OGG1: variants seen among roughly 807,000 people sequenced by gnomAD.
OGG1 encodes the protein N-glycosylase/DNA lyase.
OGG1 carries 35 observed loss-of-function variants against 42.3 expected under a neutral mutation model. That is an observed-to-expected ratio of 0.83 (90% confidence interval 0.63 to 1.10). The LOEUF (loss-of-function observed/expected upper bound fraction) is 1.10. Among genes scored for constraint, OGG1 ranks in the 50% least tolerant of loss-of-function variants. The probability of loss-of-function intolerance (pLI) is 0.00; values close to 1 mark genes in which losing one functional copy is unlikely to be tolerated. For synonymous variants in OGG1, 189 were observed against 179.0 expected (o/e 1.06, Z -0.44); for missense variants, 484 against 446.7 (o/e 1.08, Z -0.75).
chr3:9,767,896 T>G, downstream of OGG1: 2 of 1,353,276 alleles, frequency 1.5e-6, no homozygotes, highest in South Asian at 3.2e-5. Context: ...ATTCATCCAT[T>G]TGACAAAATC....
At chr3:9,772,453 C>T (rs1486474948) in intron 2 of OGG1, among the ~76,000 whole-genome samples, 1 of 152,214 alleles carries the variant, frequency 6.6e-6, no homozygotes, top group African/African-American at 2.4e-5. Context: ...ATGTAGTACT[C>T]ATAGGATTTG....
intron 2 of OGG1, among the ~76,000 whole-genome samples, chr3:9,778,402 G>A (rs187156799): frequency 6.6e-6 from 1 of 152,310 alleles, no homozygotes; most frequent in East Asian, 1.9e-4. Context: ...AAATTCACTT[G>A]TAATAGGCCT....
At chr3:9,755,205 A>G (rs1039834890) in intron 4 of OGG1, among the ~76,000 whole-genome samples, 2 of 152,002 alleles carry the variant, frequency 1.3e-5, no homozygotes, top group Non-Finnish European at 2.9e-5. Flanking sequence ...ATGGGAAGAT[A>G]TTTCTTCTTT....
At chr3:9,784,223 G>A in intron 3 of OGG1, 1 of 1,597,794 alleles carries the variant, frequency 6.3e-7, no homozygotes, top group South Asian at 1.1e-5. Context: ...ACTGCAGCGG[G>A]AGGCAGGCCC....
intron 3 of OGG1, among the ~76,000 whole-genome samples, chr3:9,782,941 C>G (rs12497076): frequency 7.9e-5 from 12 of 152,350 alleles, no homozygotes; most frequent in Admixed American, 5.9e-4. Context: ...ATTCCACAGT[C>G]TTCCTCAAGA....
rs200448429 is a variant in OGG1, at chr3:9,781,617, A to G, written c.382+17A>G. ...TGACAGGAGGTGGGTGAGACACCAG[A>G]TCAATCTCTCTGAACAGGGTCTGAT... On this transcript the variant is annotated intron_variant, in intron 3 of 3. Coordinates refer to the OGG1 transcript ENST00000426518. The G allele has an allele frequency of 2.9e-4, 131 of 455,488 alleles. No individual in the cohort carries two copies. The Middle Eastern group carries it at 2.9e-3, about 10-fold the overall frequency. The allele number at this position is 455,488 out of a possible 1,614,324, so 28.2% of individuals were successfully genotyped here.
chr3:9,752,218 G>A, intron 3 of OGG1: 1 of 519,144 alleles, frequency 1.9e-6, no homozygotes, highest in Non-Finnish European at 3.5e-6. Context: ...TTGGGGTTAA[G>A]AGCATGCATT....
At chr3:9,788,728 C>T (rs566114493), downstream of OGG1, among the ~76,000 whole-genome samples, 6 of 151,756 alleles carry the variant, frequency 4.0e-5, no homozygotes, top group East Asian at 1.9e-4. Flanking sequence ...TTAGTAGAGA[C>T]GGCGTTTCAC....
In OGG1 at chr3:9,751,779, T is replaced by C; in HGVS notation, c.395T>C (p.Leu132Pro). Residue 132 changes from leucine to proline, a missense_variant, in exon 3 of 7, where the codon CTG becomes CCG. Coordinates refer to ENST00000344629, the MANE Select transcript of OGG1 (RefSeq NM_002542.6). ...EVAQKFQGVR[L>P]LRQDPIECLF... Reference sequence around the variant, plus strand: ...CATTTCTGGTCTCCAGGTGTGCGACTGCTGCGACAAGACCCCATCGAATGC... The same window carrying C: ...CATTTCTGGTCTCCAGGTGTGCGACCGCTGCGACAAGACCCCATCGAATGC... The C allele has an allele frequency of 1.9e-6, 3 of 1,614,234 alleles. No homozygotes were observed. Among genetic ancestry groups the C allele is most frequent in the Non-Finnish European group, 2.5e-6 (3 of 1,180,040 alleles).
intron 2 of OGG1, among the ~76,000 whole-genome samples, chr3:9,772,791 G>A (rs937731843): frequency 1.3e-5 from 2 of 152,158 alleles, no homozygotes; most frequent in African/African-American, 4.8e-5. Context: ...AAAGGAATTA[G>A]GGGTGCGAGG....
At position 9,749,997 on chromosome 3, in the gene OGG1, G is replaced by A; in HGVS notation, c.-290G>A. ...CTGGAGAACCCAGAAGAACACAGCT[G>A]TGCGCGCCCACAGGCTCTGGGGGCG... is the stretch of plus-strand genomic sequence containing the variant. On this transcript the variant is annotated 5_prime_UTR_variant, in exon 1 of 7. The change creates a new upstream start codon in the 5' untranslated region. Transcript: ENST00000344629. 2.0e-6 allele frequency: 1 copy of A among 488,204 alleles called. No individual in the cohort carries two copies. The highest frequency in any genetic ancestry group is 3.7e-6 in the Non-Finnish European group (1 of 270,256). The allele number at this position is 488,204 out of a possible 1,614,324, so 30.2% of individuals were successfully genotyped here.
intron 3 of OGG1, chr3:9,783,332 T>A (rs2078524808): frequency 6.6e-6 from 1 of 152,094 alleles, no homozygotes; most frequent in African/African-American, 2.4e-5. Flanking sequence ...TTTCTTTTTT[T>A]TTTTGAGATG....
downstream of OGG1, chr3:9,790,054 C>G: frequency 2.1e-6 from 3 of 1,439,544 alleles, no homozygotes; most frequent in East Asian, 2.4e-5. Context: ...CTAGAATCTA[C>G]AGAGGCTCCT....
intron 3 of OGG1, among the ~76,000 whole-genome samples, chr3:9,786,321 G>A (rs1026708183): frequency 2.0e-5 from 3 of 152,028 alleles, no homozygotes; most frequent in African/African-American, 7.3e-5. Flanking sequence ...CGTCAGCTGG[G>A]GTCCCTGTCT....
intron 2 of OGG1, 29 bp downstream of exon 2, chr3:9,751,221 G>C (rs1379091901): frequency 6.2e-7 from 1 of 1,610,496 alleles, no homozygotes; most frequent in Admixed American, 1.7e-5. Context: ...CTGGGGTTAG[G>C]GTTCTTGGAC....
At chr3:9,781,518 C>A (rs1393497342) in exon 3 of OGG1, 2 of 456,462 alleles carry the variant, frequency 4.4e-6, no homozygotes, top group Non-Finnish European at 4.4e-6. Flanking sequence ...TTCAGGTGTT[C>A]CGGTGCCAGC....
At chr3:9,754,290 T>C (rs1230983516) in intron 3 of OGG1, among the ~76,000 whole-genome samples, 1 of 152,250 alleles carries the variant, frequency 6.6e-6, no homozygotes, top group Non-Finnish European at 1.5e-5. Flanking sequence ...AGTGGGGTTC[T>C]TGGGAAAAGT....
chr3:9,750,770 C>T (rs1222145899), intron 1 of OGG1, 175 bp from the exon 2 acceptor site: 26 of 847,792 alleles, frequency 3.1e-5, no homozygotes, highest in African/African-American at 2.7e-4. Context: ...GCGCCATGCC[C>T]GGTTAAATTT....
intron 4 of OGG1, 39 bp from the exon 5 acceptor site, chr3:9,756,432 G>T: frequency 6.2e-7 from 1 of 1,612,522 alleles, no homozygotes; most frequent in Middle Eastern, 1.7e-4. Flanking sequence ...GCCACATGCT[G>T]CCCTTCTTCC....
Sources: allele counts gnomAD v4.1 joint callset (sites outside exome capture counted in the v4.1 genomes callset), GRCh38; gene constraint gnomAD v4.1.1; transcripts MANE v1.5; gene names NCBI Gene and HGNC (gene_info 2026-07-23, HGNC 2026-07-21).